Variants in OPA3 observed in about 807,000 individuals in gnomAD.
OPA3 encodes the protein optic atrophy 3 protein.
In OPA3, 6 loss-of-function variants were observed where a neutral mutation model predicts 4.0. The observed-to-expected ratio is 1.51, with a 90% CI of 0.83 to 2.99. The LOEUF (loss-of-function observed/expected upper bound fraction) is 2.99, where lower values mean the gene tolerates loss of function less well. OPA3 is among the 30% of genes most tolerant of loss of function. The pLI is 0.00. For synonymous variants in OPA3, 105 were observed against 117.1 expected, an observed-to-expected ratio of 0.90 and a Z score of 0.67; for missense variants, 235 against 256.2, an observed-to-expected ratio of 0.92 and a Z score of 0.56.
intron 1 of OPA3, among the ~76,000 whole-genome samples, chr19:45,559,946 G>T (rs1451612487): frequency 3.1e-4 from 47 of 152,120 alleles, no homozygotes; most frequent in Admixed American, 3.0e-3. Context: ...CTGAGCCTTG[G>T]TGTTTCCTTA....
intron 1 of OPA3, among the ~76,000 whole-genome samples, chr19:45,572,702 AT>A: frequency 7.1e-6 from 1 of 140,300 alleles, no homozygotes; most frequent in African/African-American, 2.6e-5. Flanking sequence ...TACTATATAT[AT>A]GATATATCTC....
rs1969360883 is a variant in OPA3, at chr19:45,553,110, G to A, written c.*404C>T. On this transcript the variant is annotated 3_prime_UTR_variant, in exon 2 of 2. Transcript: ENST00000263275. The stretch of plus-strand genomic sequence containing the variant: ...CTGTGCCGATTGACAAAAAGAAGAA[G>A]GTGTTCCAGTGTAACAGATGAGTGT... The A allele has an allele frequency of 8.7e-7, 1 of 1,143,558 alleles. No individual in the cohort carries two copies. The highest frequency in any genetic ancestry group is 4.5e-5 in the Admixed American group (1 of 22,288). 70.8% of individuals were successfully genotyped at this position (1,143,558 alleles called of 1,614,324 possible). A position where few individuals can be genotyped will look rare whatever the true frequency, so the allele number is the denominator to read the frequency against.
chr19:45,529,181 CCTGCGCCTGCAA>C, exon 2 of OPA3: 1 of 1,610,546 alleles, frequency 6.2e-7, no homozygotes, highest in Non-Finnish European at 8.5e-7. Context: ...GTCGCCTGCA[CCTGCGCCTGCAA>C]CTCCTCGAGC....
At chr19:45,559,487 C>T (rs1310409570) in intron 1 of OPA3, among the ~76,000 whole-genome samples, 1 of 144,802 alleles carries the variant, frequency 6.9e-6, no homozygotes, top group Non-Finnish European at 1.5e-5. Context: ...CTGCAACCTC[C>T]GCTTCCCGGG....
chr19:45,544,223 T>G (rs189453311), downstream of OPA3, among the ~76,000 whole-genome samples: 3 of 152,266 alleles, frequency 2.0e-5, no homozygotes, highest in Non-Finnish European at 2.9e-5. Flanking sequence ...GATCTAAGCC[T>G]AAAAAGACTG....
At chr19:45,567,083 G>C (rs144112503) in intron 1 of OPA3, among the ~76,000 whole-genome samples, 2 of 152,096 alleles carry the variant, frequency 1.3e-5, no homozygotes, top group Non-Finnish European at 2.9e-5. Flanking sequence ...GCTCACACTT[G>C]TACCCCAGCA....
At chr19:45,584,543 C>T (rs1215754159) in intron 1 of OPA3, 80 bp downstream of exon 1, 4 of 1,610,146 alleles carry the variant, frequency 2.5e-6, no homozygotes, top group Non-Finnish European at 2.5e-6. Flanking sequence ...TGGTCGTAGA[C>T]AGAAGTCCAT....
In OPA3 at chr19:45,553,580, C is replaced by T. The variant is rs1969371102; in HGVS notation, c.474G>A (p.Glu158=). The change falls in exon 2 of 2, where the codon GAG becomes GAA. Residue 158 remains glutamate, a synonymous_variant. Transcript: ENST00000263275. ...ALEELRTELQ[E]VRAQLCNPGR... ...CGGGATTGCAGAGCTGGGCGCGCAC[C>T]TCTTGCAGCTCTGTGCGCAGTTCCT... 9 of 1,612,694 alleles carry T rather than the reference C, an allele frequency of 5.6e-6. No homozygotes were observed. The highest frequency in any genetic ancestry group is 7.6e-6 in the Non-Finnish European group (9 of 1,179,894).
chr19:45,553,864 G>A lies in OPA3; in HGVS notation c.190C>T (p.Arg64Trp), dbSNP rs754011378. The change falls in exon 2 of 2, where the codon CGG (arginine) becomes TGG (tryptophan). Residue 64 changes from arginine to tryptophan, a missense_variant. Transcript: ENST00000263275. ...MRTKMRIMGF[R>W]GTVIKPLNEE... is the part of the protein sequence containing the mutation. ...TTCAGCGGCTTGATGACCGTGCCCC[G>A]GAAGCCCATGATGCGCATCTTGGTC... The A allele has an allele frequency of 1.9e-6, 3 of 1,611,606 alleles. No individual in the cohort carries two copies. Among genetic ancestry groups the A allele is most frequent in the Non-Finnish European group, 2.5e-6 (3 of 1,178,358 alleles).
At chr19:45,580,775 C>T (rs1045940505) in intron 1 of OPA3, among the ~76,000 whole-genome samples, 4 of 152,032 alleles carry the variant, frequency 2.6e-5, no homozygotes, top group African/African-American at 9.7e-5. Context: ...TGCGCCACCA[C>T]ACCTGCCTAA....
At chr19:45,535,752 T>TTTTTC (rs1486540515) in intron 1 of OPA3, among the ~76,000 whole-genome samples, 7 of 133,822 alleles carry the variant, frequency 5.2e-5, no homozygotes, top group Admixed American at 7.5e-5. Flanking sequence ...AATAACTGTT[T>TTTTTC]TTTTCTTTTC....
rs376630127 is a variant in OPA3 at position 45,529,145 on chromosome 19, G to C, written c.454C>G (p.Leu152Val). Residue 152 changes from leucine to valine, a missense_variant, in exon 2 of 2, where the codon CTG (leucine) becomes GTG (valine). By Grantham distance (32) the Leu-to-Val change is conservative (BLOSUM62 1). Coordinates refer to the OPA3 transcript ENST00000323060. The stretch of plus-strand genomic sequence containing the variant: ...CGCACCTCCTGCAGCTGAGCGCGCA[G>C]CTCCTCCAGGGCGAGCTGCGTCGAC... 2.5e-6 allele frequency: 4 copies of C among 1,609,510 alleles called. No homozygotes were observed. The Admixed American group carries it at 6.7e-5, about 27-fold the overall frequency.
chr19:45,565,920 C>T (rs1360482669), intron 1 of OPA3, among the ~76,000 whole-genome samples: 4 of 152,290 alleles, frequency 2.6e-5, no homozygotes, highest in South Asian at 2.1e-4. Context: ...CACTGTACTG[C>T]AGCCTGGGTG....
exon 2 of OPA3, chr19:45,528,426 A>G (rs2122365157): frequency 6.5e-6 from 1 of 153,032 alleles, no homozygotes; most frequent in Admixed American, 6.5e-5. Context: ...AGATGGATTA[A>G]GGTCAGGAGC....
At chr19:45,574,658 A>G (rs996046001) in intron 1 of OPA3, among the ~76,000 whole-genome samples, 8 of 152,036 alleles carry the variant, frequency 5.3e-5, no homozygotes, top group African/African-American at 1.9e-4. Context: ...AAGAGTGCCT[A>G]CTCTGTGGCA....
At chr19:45,544,330 T>C (rs1212862012), downstream of OPA3, among the ~76,000 whole-genome samples, 13 of 152,196 alleles carry the variant, frequency 8.5e-5, no homozygotes, top group Admixed American at 8.5e-4. Context: ...CAAATTGTGG[T>C]CTAGCCTCAC....
intron 1 of OPA3, chr19:45,529,531 G>A: frequency 2.6e-6 from 4 of 1,564,724 alleles, no homozygotes; most frequent in Non-Finnish European, 2.6e-6. Flanking sequence ...GTGCTTCGAT[G>A]TCCCCGTTGT....
intron 1 of OPA3, among the ~76,000 whole-genome samples, chr19:45,574,034 G>A (rs544646347): frequency 5.3e-4 from 80 of 151,258 alleles, no homozygotes; most frequent in African/African-American, 1.9e-3. Context: ...GTGGTGGCAG[G>A]CGCCTGTAAT....
At chr19:45,572,766 T>G (rs1246168407) in intron 1 of OPA3, among the ~76,000 whole-genome samples, 2 of 117,800 alleles carry the variant, frequency 1.7e-5, no homozygotes, top group East Asian at 2.2e-4. Flanking sequence ...TCGATATATA[T>G]CTATATATAT....
Sources: allele counts gnomAD v4.1 joint callset (sites outside exome capture counted in the v4.1 genomes callset), GRCh38; gene constraint gnomAD v4.1.1; transcripts MANE v1.5; gene names NCBI Gene and HGNC (gene_info 2026-07-23, HGNC 2026-07-21).